Variants in PEX2 observed in about 807,000 individuals in gnomAD.
PEX2 encodes the protein peroxisome biogenesis factor 2.
PEX2 carries 19 observed loss-of-function variants against 25.2 expected under a neutral mutation model. The observed-to-expected ratio is 0.75, with a 90% CI of 0.53 to 1.10. PEX2 has a LOEUF of 1.10. Among genes scored for constraint, PEX2 ranks in the 50% least tolerant of loss-of-function variants. The pLI is 0.00. For missense variants in PEX2, 347 were observed against 350.6 expected, an observed-to-expected ratio of 0.99 and a Z score of 0.08; for synonymous variants, 141 against 127.7, an observed-to-expected ratio of 1.10 and a Z score of -0.70.
chr8:76,994,693 T>G (rs575392538), intron 1 of PEX2, among the ~76,000 whole-genome samples: 2 of 152,280 alleles, frequency 1.3e-5, no homozygotes, highest in African/African-American at 4.8e-5. Flanking sequence ...ATGCACCCCC[T>G]GCCAGGCTAT....
At chr8:76,990,036 T>C (rs1269325003) in intron 1 of PEX2, among the ~76,000 whole-genome samples, 1 of 152,212 alleles carries the variant, frequency 6.6e-6, no homozygotes. Flanking sequence ...CGTAGTCACC[T>C]TCATCAATTA....
chr8:76,992,886 C>T (rs543825070), intron 1 of PEX2, among the ~76,000 whole-genome samples: 105 of 152,170 alleles, frequency 6.9e-4, no homozygotes, highest in Non-Finnish European at 1.3e-3. Context: ...GATCCCAAAA[C>T]GTGAAAACAT....
At chr8:76,996,821 C>T (rs1009825525) in intron 1 of PEX2, among the ~76,000 whole-genome samples, 3 of 152,146 alleles carry the variant, frequency 2.0e-5, no homozygotes, top group African/African-American at 7.2e-5. Context: ...ATCCTCACAA[C>T]ACAGTAAGTA....
chr8:76,993,224 A>C (rs1457110310), intron 1 of PEX2, among the ~76,000 whole-genome samples: 1 of 152,216 alleles, frequency 6.6e-6, no homozygotes, highest in Non-Finnish European at 1.5e-5. Flanking sequence ...TAATCATTGA[A>C]GAGAAGAGAC....
chr8:76,984,057 A>T lies in PEX2; in HGVS notation c.122T>A (p.Phe41Tyr). Residue 41 changes from phenylalanine (F) to tyrosine (Y), a missense_variant, in exon 4 of 4, where the codon TTT becomes TAT. Physicochemically the swap from Phe to Tyr is conservative, Grantham distance 22. Transcript: ENST00000357039. ...TAACAGCCCAGGTTTAAATCCATGA[A>T]AGCACTGAGTAAACTGGGACCAAAC... ...QLVWSQFTQC[F>Y]HGFKPGLLAR... 2 of 1,612,866 alleles carry T rather than the reference A, an allele frequency of 1.2e-6. No individual in the cohort carries two copies. Among genetic ancestry groups the T allele is most frequent in the Non-Finnish European group, 1.7e-6 (2 of 1,179,290 alleles).
intron 1 of PEX2, among the ~76,000 whole-genome samples, chr8:76,995,866 T>A (rs1161533247): frequency 6.6e-6 from 1 of 151,840 alleles, no homozygotes; most frequent in Non-Finnish European, 1.5e-5. Context: ...TAACAGATTG[T>A]GTGACTCTAG....
intron 1 of PEX2, among the ~76,000 whole-genome samples, chr8:76,988,950 T>C (rs1179678023): frequency 6.7e-6 from 1 of 149,034 alleles, no homozygotes; most frequent in Non-Finnish European, 1.5e-5. Context: ...TCCAGCCCTT[T>C]GGGAGGCCAA....
At chr8:76,988,621 T>C (rs1319296443) in intron 1 of PEX2, among the ~76,000 whole-genome samples, 11 of 152,016 alleles carry the variant, frequency 7.2e-5, no homozygotes, top group Admixed American at 7.2e-4. Flanking sequence ...AAGGCTGGGG[T>C]GGTTGTGGCA....
rs1806789080 is a variant in PEX2 at position 76,980,595 on chromosome 8, C to G, written c.*2666G>C. On this transcript the variant is annotated 3_prime_UTR_variant, in exon 4 of 4. Transcript: ENST00000357039. ...ATAGTGGCTGGTTCAGGAATGTGCA[C>G]ATAATCCAAGGCAGACCAGTAACAG... The G allele has an allele frequency of 6.6e-6, 1 of 152,166 alleles. No homozygotes were observed. The allele number at this position is 152,166 out of a possible 1,614,324, so 9.4% of individuals were successfully genotyped here.
rs1806798314 is a variant in PEX2 at position 76,980,861 on chromosome 8, C to G, written c.*2400G>C. ...CTAAACATGTAATCCTTACAATGAA[C>G]AGATGTGCAGAGATGTGGCACATTG... On this transcript the variant is annotated 3_prime_UTR_variant, in exon 4 of 4. Transcript: ENST00000357039. 2 of 152,174 alleles carry G rather than the reference C, an allele frequency of 1.3e-5. No homozygotes were observed. Among genetic ancestry groups the G allele is most frequent in the South Asian group, 4.1e-4 (2 of 4,830 alleles). 9.4% of individuals were successfully genotyped at this position (152,174 alleles called of 1,614,324 possible). A position where few individuals can be genotyped will look rare whatever the true frequency, so the allele number is the denominator to read the frequency against.
In PEX2 at chr8:76,982,294, T is replaced by C. The variant is rs965236519; in HGVS notation, c.*967A>G. ...ATGCTAAAGACCCCTTTTGTTTCAA[T>C]AAAACTATCAATATTTACTGAGAAT... On this transcript the variant is annotated 3_prime_UTR_variant, in exon 4 of 4. Coordinates refer to ENST00000357039, the MANE Select transcript of PEX2 (RefSeq NM_000318.3). The C allele has an allele frequency of 6.6e-6, 1 of 152,164 alleles. No homozygotes were observed. Among genetic ancestry groups the C allele is most frequent in the Non-Finnish European group, 1.5e-5 (1 of 68,022 alleles). The allele number at this position is 152,164 out of a possible 1,614,324, so 9.4% of individuals were successfully genotyped here.
rs1806904326 is a variant in PEX2 at position 76,983,572 on chromosome 8, A to G, written c.607T>C (p.Phe203Leu). The G allele has an allele frequency of 1.2e-6, 2 of 1,614,114 alleles. No individual in the cohort carries two copies. The highest frequency in any genetic ancestry group is 1.7e-5 in the Admixed American group (1 of 60,022). Reference sequence around the variant, plus strand: ...ATAAGTGGTAAGAGAAAAATCAGAAATTCAGCAAAACCATGCCAGAGAAGT... The same window carrying G: ...ATAAGTGGTAAGAGAAAAATCAGAAGTTCAGCAAAACCATGCCAGAGAAGT... ...RELLWHGFAE[F>L]LIFLLPLINV... The change falls in exon 4 of 4, where the codon TTT (phenylalanine) becomes CTT (leucine). Residue 203 changes from phenylalanine to leucine, a missense_variant. Phe to Leu is a conservative substitution (Grantham distance 22). Coordinates refer to ENST00000357039, the MANE Select transcript of PEX2 (RefSeq NM_000318.3).
At position 76,984,054 on chromosome 8, in the gene PEX2, T is replaced by C. The variant is rs1416625239; in HGVS notation, c.125A>G (p.His42Arg). The C allele has an allele frequency of 1.2e-6, 2 of 1,612,904 alleles. No homozygotes were observed. The highest frequency in any genetic ancestry group is 2.2e-5 in the East Asian group (1 of 44,872). ...AGCTAACAGCCCAGGTTTAAATCCA[T>C]GAAAGCACTGAGTAAACTGGGACCA... ...LVWSQFTQCFHGFKPGLLARF... is the reference protein window; with the variant it reads ...LVWSQFTQCFRGFKPGLLARF... The change falls in exon 4 of 4, where the codon CAT (histidine) becomes CGT (arginine). Residue 42 changes from histidine to arginine, a missense_variant. Transcript: ENST00000357039.
rs1806833825 is a variant in PEX2, at chr8:76,981,766, T to C, written c.*1495A>G. 6.6e-6 allele frequency: 1 copy of C among 152,250 alleles called. No homozygotes were observed. Among genetic ancestry groups the C allele is most frequent in the Admixed American group, 6.5e-5 (1 of 15,284 alleles). 9.4% of individuals were successfully genotyped at this position (152,250 alleles called of 1,614,324 possible). ...GTGGGAAAGTTGATTTTATATTTTTTCCTGAATTGTTGGTGTTTTCTACAA... is the reference window on the plus strand; with the variant it reads ...GTGGGAAAGTTGATTTTATATTTTTCCCTGAATTGTTGGTGTTTTCTACAA... On this transcript the variant is annotated 3_prime_UTR_variant, in exon 4 of 4. Transcript: ENST00000357039.
intron 1 of PEX2, among the ~76,000 whole-genome samples, chr8:76,999,107 G>C (rs910897247): frequency 1.3e-5 from 2 of 151,878 alleles, no homozygotes; most frequent in Non-Finnish European, 2.9e-5. Flanking sequence ...TAAGTTAAAA[G>C]AGCCACCCCA....
At chr8:76,984,334 C>G (rs1806942387) in intron 3 of PEX2, 139 bp from the exon 4 acceptor site, 3 of 635,736 alleles carry the variant, frequency 4.7e-6, no homozygotes, top group Non-Finnish European at 8.1e-6. Flanking sequence ...TCAAATAGTA[C>G]AGCGAATAAT....
At chr8:76,987,262 T>G (rs1807032701) in intron 2 of PEX2, among the ~76,000 whole-genome samples, 1 of 152,126 alleles carries the variant, frequency 6.6e-6, no homozygotes, top group Non-Finnish European at 1.5e-5. Flanking sequence ...AAGGGAAAAT[T>G]CAGGGCACTA....
chr8:76,994,740 A>T (rs1183191290), intron 1 of PEX2, among the ~76,000 whole-genome samples: 3 of 152,192 alleles, frequency 2.0e-5, no homozygotes, highest in Admixed American at 2.0e-4. Context: ...TAAGTTTTAG[A>T]ATGAAAATGT....
At position 76,983,487 on chromosome 8, in the gene PEX2, G is replaced by A; in HGVS notation, c.692C>T (p.Pro231Leu). The change falls in exon 4 of 4, where the codon CCT becomes CTT. Residue 231 changes from proline to leucine, a missense_variant. Coordinates refer to ENST00000357039, the MANE Select transcript of PEX2 (RefSeq NM_000318.3). ...GGTGGCTAATGTATTGTCACTATTA[G>A]GTGCACCAGTAAGAGGAATACACCA... ...SSWCIPLTGAPNSDNTLATSG... is the reference protein window; with the variant it reads ...SSWCIPLTGALNSDNTLATSG... 6.2e-7 allele frequency: 1 copy of A among 1,614,086 alleles called. No individual in the cohort carries two copies. The highest frequency in any genetic ancestry group is 8.5e-7 in the Non-Finnish European group (1 of 1,179,988).
Sources: gnomAD v4.1 joint callset for allele counts (sites outside exome capture counted in the v4.1 genomes callset) on GRCh38, gnomAD v4.1.1 for gene constraint, MANE v1.5 for transcripts, NCBI Gene and HGNC (gene_info 2026-07-23, HGNC 2026-07-21) for gene names.